The following FAM3B variants were observed in gnomAD, a reference collection of about 807,000 sequenced individuals.
The protein encoded by FAM3B is FAM3 metabolism regulating signaling molecule B, also known as protein FAM3B.
FAM3B carries 29 observed loss-of-function variants against 28.4 expected under a neutral mutation model. That is an observed-to-expected ratio of 1.02 (90% CI 0.76 to 1.39). FAM3B has a LOEUF of 1.39. FAM3B is among the 40% of genes most tolerant of loss of function. The pLI, the probability that FAM3B is intolerant of heterozygous loss-of-function variation, is 0.00. For synonymous variants in FAM3B, 91 were observed against 103.0 expected, an observed-to-expected ratio of 0.88 and a Z score of 0.71; for missense variants, 266 against 293.9, an observed-to-expected ratio of 0.91 and a Z score of 0.69.
At chr21:41,343,625 A>T (rs886251554) in intron 3 of FAM3B, among the ~76,000 whole-genome samples, 3 of 152,194 alleles carry the variant, frequency 2.0e-5, no homozygotes, top group African/African-American at 7.2e-5. Flanking sequence ...AAGCCTTCCA[A>T]ATTATTTTCA....
intron 7 of FAM3B, among the ~76,000 whole-genome samples, chr21:41,356,271 A>G (rs1187581535): frequency 2.6e-5 from 4 of 152,226 alleles, no homozygotes. Context: ...CAATAAAAGC[A>G]TCGTATTTGA....
intron 2 of FAM3B, among the ~76,000 whole-genome samples, chr21:41,329,988 C>A (rs899808828): frequency 6.6e-6 from 1 of 152,182 alleles, no homozygotes; most frequent in Non-Finnish European, 1.5e-5. Context: ...TTGAGAGAGA[C>A]CACATTCACA....
chr21:41,319,723 A>C (rs1243493118), intron 1 of FAM3B: 1 of 152,280 alleles, frequency 6.6e-6, no homozygotes, highest in African/African-American at 2.4e-5. Context: ...TTTCATCCCC[A>C]GGACTGAGCT....
At chr21:41,311,250 AAATATATATATATATATATATATAT>A (rs1296412790) in intron 1 of FAM3B, among the ~76,000 whole-genome samples, 6 of 55,970 alleles carry the variant, frequency 1.1e-4, no homozygotes, top group African/African-American at 3.9e-4. Flanking sequence ...AAAAAAAAAA[AAATATATATATATATATATATATAT>A]ATATATATAT....
intron 7 of FAM3B, among the ~76,000 whole-genome samples, chr21:41,351,611 G>A (rs1042931329): frequency 2.0e-5 from 3 of 152,132 alleles, no homozygotes; most frequent in African/African-American, 7.2e-5. Context: ...TGCAGGTGGT[G>A]TATTTCCCTA....
chr21:41,317,931 G>A (rs1656981916), intron 1 of FAM3B, among the ~76,000 whole-genome samples: 1 of 152,138 alleles, frequency 6.6e-6, no homozygotes, highest in African/African-American at 2.4e-5. Flanking sequence ...TCGATAACTT[G>A]TGTGGATTGT....
upstream of FAM3B, among the ~76,000 whole-genome samples, chr21:41,312,867 A>C (rs1287428903): frequency 6.6e-6 from 1 of 152,102 alleles, no homozygotes; most frequent in Non-Finnish European, 1.5e-5. Context: ...GAGAGTTTGG[A>C]ATGACCAGAG....
rs2088823395 is a variant in FAM3B, at chr21:41,323,016, C to G, written c.113C>G (p.Ser38Cys). Residue 38 changes from serine (S) to cysteine (C), a missense_variant, in exon 2 of 8, where the codon TCC becomes TGC. Ser to Cys is a moderately radical substitution (Grantham distance 112). Coordinates refer to ENST00000357985, the MANE Select transcript of FAM3B (RefSeq NM_058186.4). ...GAGCTCATTCCAGATGCACCCCTGT[C>G]CAGTGCTGCCTATAGCATCCGCAGC... ...LAELIPDAPL[S>C]SAAYSIRSIG... 6.2e-7 allele frequency: 1 copy of G among 1,610,018 alleles called. No homozygotes were observed. The highest frequency in any genetic ancestry group is 8.5e-7 in the Non-Finnish European group (1 of 1,180,020).
upstream of FAM3B, among the ~76,000 whole-genome samples, chr21:41,312,722 A>AGTGTGTGTGTGTGTGTGTGTGT (rs10580404): frequency 3.4e-4 from 50 of 148,322 alleles, no homozygotes; most frequent in Non-Finnish European, 5.5e-4. Flanking sequence ...TGTGTGTGAG[A>AGTGTGTGTGTGTGTGTGTGTGT]GTGTGTGTGT....
intron 1 of FAM3B, among the ~76,000 whole-genome samples, chr21:41,318,902 T>C (rs756169807): frequency 3.9e-5 from 6 of 152,174 alleles, no homozygotes; most frequent in South Asian, 2.1e-4. Context: ...TTTAAATGTT[T>C]ATTGTTTACA....
intron 3 of FAM3B, among the ~76,000 whole-genome samples, chr21:41,338,894 G>T (rs1418996418): frequency 6.6e-6 from 1 of 152,154 alleles, no homozygotes. Flanking sequence ...CCTCAGGGGT[G>T]TTCGGGGCCA....
rs2145803557 is a variant in FAM3B at position 41,326,201 on chromosome 21, C to T, written c.163+3135C>T. On this transcript the variant is annotated intron_variant, in intron 2 of 7. Coordinates refer to ENST00000357985, the MANE Select transcript of FAM3B (RefSeq NM_058186.4). This position sits in a 1 kb window ranked among gnomAD's most constrained non-coding sequence, Gnocchi z 4.0. ...CACTGAAGACCTAGATGTGGTTCTC[C>T]AGGCAGGGTTTGGAAAGAGCTGTGT... is the stretch of plus-strand genomic sequence containing the variant. 6.6e-6 allele frequency among the ~76,000 whole-genome samples: 1 copy of T among 152,292 alleles called. No individual in the cohort carries two copies. Among genetic ancestry groups the T allele is most frequent in the South Asian group, 2.1e-4 (1 of 4,822 alleles).
At chr21:41,338,286 G>C in intron 2 of FAM3B, 92 bp from the exon 3 acceptor site, 1 of 1,487,154 alleles carries the variant, frequency 6.7e-7, no homozygotes, top group East Asian at 2.3e-5. Flanking sequence ...GGAGTTTCTG[G>C]TATGAAGTGC....
chr21:41,335,439 G>T (rs556548760), intron 2 of FAM3B, among the ~76,000 whole-genome samples: 1 of 152,294 alleles, frequency 6.6e-6, no homozygotes, highest in African/African-American at 2.4e-5. Flanking sequence ...CCCTGAGGCA[G>T]TGCTCATAAC....
intron 1 of FAM3B, among the ~76,000 whole-genome samples, chr21:41,305,928 T>C (rs918299389): frequency 6.6e-6 from 1 of 152,242 alleles, no homozygotes; most frequent in African/African-American, 2.4e-5. Flanking sequence ...TGTTGTTTGA[T>C]AGTATTTGAC....
At chr21:41,316,314 CAA>C (rs1489275138), upstream of FAM3B, among the ~76,000 whole-genome samples, 1 of 152,180 alleles carries the variant, frequency 6.6e-6, no homozygotes, top group Non-Finnish European at 1.5e-5. Flanking sequence ...AAAGAGAAAA[CAA>C]GAGGTGGGGC....
exon 1 of FAM3B, chr21:41,304,269 G>A (rs754664471): frequency 8.8e-6 from 4 of 456,126 alleles, no homozygotes; most frequent in South Asian, 4.6e-5. Flanking sequence ...GCACCCTGGC[G>A]CCATCTTTTT....
intron 3 of FAM3B, among the ~76,000 whole-genome samples, chr21:41,343,574 A>G (rs974498478): frequency 3.3e-5 from 5 of 152,188 alleles, no homozygotes; most frequent in African/African-American, 7.2e-5. Context: ...ACAAAATATT[A>G]AAGTTCCGTG....
Position 41,332,703 on chromosome 21 carries a change from A to C in FAM3B, c.164-5675A>C, listed in dbSNP as rs188690159. Among the ~76,000 whole-genome samples, 7 of 152,092 alleles carry C rather than the reference A, an allele frequency of 4.6e-5. No individual in the cohort carries two copies. In the East Asian group the frequency reaches 1.4e-3, roughly 29 times the overall value. On this transcript the variant is annotated intron_variant, in intron 2 of 7. Transcript: ENST00000357985. Reference sequence around the variant, plus strand: ...TTACTGACTTCGTCTCCTCACATTTATTGGTCTGTTCCTTTTTTCGGTGTA... The same window carrying C: ...TTACTGACTTCGTCTCCTCACATTTCTTGGTCTGTTCCTTTTTTCGGTGTA...
Sources: allele counts gnomAD v4.1 joint callset (sites outside exome capture counted in the v4.1 genomes callset), GRCh38; gene constraint gnomAD v4.1.1; non-coding constraint Gnocchi (gnomAD v3.1); transcripts MANE v1.5; gene names NCBI Gene and HGNC (gene_info 2026-07-23, HGNC 2026-07-21).